Variants in SYN2 observed in about 807,000 individuals in gnomAD.
SYN2 encodes synapsin II.
Under a neutral mutation model 50.9 loss-of-function variants are expected in SYN2, and 19 were observed. The observed-to-expected ratio is 0.37, with a 90% CI of 0.26 to 0.55. The LOEUF (loss-of-function observed/expected upper bound fraction) is 0.55, where lower values mean the gene tolerates loss of function less well. Ranked by LOEUF, SYN2 falls within the 20% of genes least tolerant of loss-of-function variation. The pLI, the probability that SYN2 is intolerant of heterozygous loss-of-function variation, is 0.81. For synonymous variants in SYN2, 255 were observed against 224.9 expected (o/e 1.13, Z -1.20); for missense variants, 587 against 576.4 (o/e 1.02, Z -0.19).
intron 11 of SYN2, among the ~76,000 whole-genome samples, chr3:12,186,773 G>A (rs563873442): frequency 6.6e-6 from 1 of 152,306 alleles, no homozygotes; most frequent in East Asian, 1.9e-4. Flanking sequence ...TGATCATAAG[G>A]TACGGAATAC....
intron 12 of SYN2, among the ~76,000 whole-genome samples, chr3:12,187,906 C>T (rs146943828): frequency 6.6e-5 from 10 of 152,186 alleles, no homozygotes; most frequent in African/African-American, 1.9e-4. Flanking sequence ...AGTGGCACTA[C>T]GGCAGAGTCA....
At position 12,191,310 on chromosome 3, in the gene SYN2, A is replaced by C; in HGVS notation, c.*685A>C. The C allele has an allele frequency of 2.7e-6, 1 of 376,828 alleles. No individual in the cohort carries two copies. Among genetic ancestry groups the C allele is most frequent in the Non-Finnish European group, 3.7e-6 (1 of 273,802 alleles). The allele number at this position is 376,828 out of a possible 1,614,324, so 23.3% of individuals were successfully genotyped here. On this transcript the variant is annotated 3_prime_UTR_variant, in exon 13 of 13. Transcript: ENST00000621198. ...ACTCCAGAGCTGCACTATAGAGGAG[A>C]ATGCATGCCACTATGACAGCAGTAT... is the stretch of plus-strand genomic sequence containing the variant.
intron 5 of SYN2, chr3:12,157,407 C>T (rs368380293): frequency 2.2e-5 from 35 of 1,614,018 alleles, no homozygotes; most frequent in Admixed American, 3.3e-5. Flanking sequence ...GATTTCATAC[C>T]GGAGCATTTT....
At chr3:12,080,984 T>G (rs1412202440) in intron 1 of SYN2, among the ~76,000 whole-genome samples, 2 of 152,102 alleles carry the variant, frequency 1.3e-5, no homozygotes, top group East Asian at 3.9e-4. Context: ...CAGAAAAAAA[T>G]ATAATTAATT....
At chr3:12,008,355 A>G (rs1012249720) in intron 1 of SYN2, among the ~76,000 whole-genome samples, 3 of 152,212 alleles carry the variant, frequency 2.0e-5, no homozygotes, top group African/African-American at 7.2e-5. Flanking sequence ...ACTAAGAAAA[A>G]TGAGACACAG....
intron 3 of SYN2, among the ~76,000 whole-genome samples, chr3:12,144,837 A>G (rs1188657965): frequency 6.6e-6 from 1 of 152,042 alleles, no homozygotes. Flanking sequence ...CTTGTCCAAC[A>G]TGGCGAACAT....
intron 11 of SYN2, among the ~76,000 whole-genome samples, chr3:12,186,950 G>T (rs1698352818): frequency 6.6e-6 from 1 of 152,172 alleles, no homozygotes; most frequent in South Asian, 2.1e-4. Context: ...CTGAGATCCA[G>T]TGCTCTCTCC....
chr3:12,060,608 A>T (rs1331924638), intron 1 of SYN2, among the ~76,000 whole-genome samples: 1 of 152,178 alleles, frequency 6.6e-6, no homozygotes, highest in East Asian at 1.9e-4. Context: ...TTACAGCCAA[A>T]TGAGTTATAA....
intron 1 of SYN2, among the ~76,000 whole-genome samples, chr3:12,069,452 TTGGTCAGGC>T (rs542212315): frequency 9.9e-4 from 151 of 152,124 alleles, no homozygotes; most frequent in African/African-American, 3.3e-3. Context: ...TTTCACCATG[TTGGTCAGGC>T]TGGTCTCAAA....
chr3:12,087,232 A>T (rs183691912), intron 1 of SYN2, among the ~76,000 whole-genome samples: 219 of 152,330 alleles, frequency 1.4e-3, no homozygotes, highest in African/African-American at 4.9e-3. Flanking sequence ...AAATGGAAAG[A>T]TATCTTGTGT....
chr3:12,019,045 T>A (rs1380553635), intron 1 of SYN2, among the ~76,000 whole-genome samples: 1 of 152,250 alleles, frequency 6.6e-6, no homozygotes, highest in African/African-American at 2.4e-5. Context: ...CAATGATGCC[T>A]CTTATTCTCT....
At chr3:12,121,889 A>G (rs960695777) in intron 1 of SYN2, among the ~76,000 whole-genome samples, 2 of 152,150 alleles carry the variant, frequency 1.3e-5, no homozygotes, top group African/African-American at 2.4e-5. Flanking sequence ...TGCAGACTTG[A>G]GTCTGAAATT....
chr3:12,157,641 A>G (rs895619896), intron 5 of SYN2, among the ~76,000 whole-genome samples: 1 of 152,182 alleles, frequency 6.6e-6, no homozygotes, highest in African/African-American at 2.4e-5. Flanking sequence ...GGGGACCTGG[A>G]AACACCTCCC....
At chr3:12,037,018 A>G (rs138907404) in intron 1 of SYN2, among the ~76,000 whole-genome samples, 42 of 152,360 alleles carry the variant, frequency 2.8e-4, no homozygotes, top group Admixed American at 3.9e-4. Flanking sequence ...CATGAAGACA[A>G]TTCCACTAAG....
chr3:12,127,656 GT>G (rs925907464), intron 1 of SYN2, among the ~76,000 whole-genome samples: 10 of 152,190 alleles, frequency 6.6e-5, no homozygotes, highest in Non-Finnish European at 1.5e-4. Flanking sequence ...TGCCACCTGG[GT>G]TTGGATTTGG....
At chr3:12,086,832 A>G (rs1695711485) in intron 1 of SYN2, among the ~76,000 whole-genome samples, 4 of 152,302 alleles carry the variant, frequency 2.6e-5, no homozygotes, top group South Asian at 2.1e-4. Flanking sequence ...TGCCACTTCT[A>G]TTTATCATAA....
intron 5 of SYN2, among the ~76,000 whole-genome samples, chr3:12,160,367 C>T (rs1390652762): frequency 6.6e-6 from 1 of 152,158 alleles, no homozygotes; most frequent in African/African-American, 2.4e-5. Flanking sequence ...TGGCCTCAAC[C>T]AGGAATGCTG....
At chr3:12,140,550 C>G in intron 1 of SYN2, 101 bp from the exon 2 acceptor site, 1 of 713,492 alleles carries the variant, frequency 1.4e-6, no homozygotes, top group Non-Finnish European at 2.6e-6. Context: ...GACCCTCATT[C>G]TGGAGATCTG....
At chr3:12,096,017 A>G (rs1002321928) in intron 1 of SYN2, among the ~76,000 whole-genome samples, 4 of 152,122 alleles carry the variant, frequency 2.6e-5, no homozygotes, top group Admixed American at 6.5e-5. Context: ...TTCCATCTCA[A>G]TAAATAGTAC....
Sources: allele counts gnomAD v4.1 joint callset (sites outside exome capture counted in the v4.1 genomes callset), GRCh38; gene constraint gnomAD v4.1.1; transcripts MANE v1.5; gene names NCBI Gene and HGNC (gene_info 2026-07-23, HGNC 2026-07-21).